The following TTLL3 variants were observed in gnomAD, a reference collection of about 807,000 sequenced individuals.
The protein encoded by TTLL3 is tubulin tyrosine ligase like 3, also known as tubulin monoglycylase TTLL3.
Under a neutral mutation model 75.2 loss-of-function variants are expected in TTLL3, and 63 were observed. The ratio of observed to expected loss-of-function variants is 0.84; its 90% confidence interval spans 0.68 to 1.03. The LOEUF is 1.03. TTLL3 is among the 50% of genes least tolerant of loss of function. The probability of loss-of-function intolerance (pLI) is 0.00; values close to 1 mark genes in which losing one functional copy is unlikely to be tolerated. For synonymous variants in TTLL3, 393 were observed against 418.5 expected, an observed-to-expected ratio of 0.94 and a Z score of 0.74; for missense variants, 997 against 1,069.9, an observed-to-expected ratio of 0.93 and a Z score of 0.95.
chr3:9,823,660 G>A (rs1228983118), intron 8 of TTLL3, among the ~76,000 whole-genome samples: 2 of 152,018 alleles, frequency 1.3e-5, no homozygotes, highest in African/African-American at 4.8e-5. Flanking sequence ...AGTACTCCTG[G>A]GAGACCTTGC....
intron 8 of TTLL3, among the ~76,000 whole-genome samples, chr3:9,821,326 G>A (rs2080391208): frequency 6.6e-6 from 1 of 152,206 alleles, no homozygotes. Flanking sequence ...GCATGCAGGA[G>A]CAACTGGAGG....
chr3:9,820,259 TC>T, intron 7 of TTLL3: 1 of 1,194,578 alleles, frequency 8.4e-7, no homozygotes, highest in South Asian at 2.8e-5. Flanking sequence ...GTGTTAGAGG[TC>T]CCAGGGGCAG....
chr3:9,815,991 T>C lies in TTLL3; in HGVS notation c.316-83T>C, dbSNP rs993433972. The C allele has an allele frequency of 1.3e-5, 16 of 1,245,284 alleles. No homozygotes were observed. The African/African-American group carries it at 1.4e-4, about 11-fold the overall frequency. 77.1% of individuals were successfully genotyped at this position (1,245,284 alleles called of 1,614,324 possible). A position where few individuals can be genotyped will look rare whatever the true frequency, so the allele number is the denominator to read the frequency against. The stretch of plus-strand genomic sequence containing the variant: ...TCCTCTCCTTCCTGTTCACCCACCC[T>C]GCTCAGCAGGGCAGGGAGAGGCTGC... On this transcript the variant is annotated intron_variant, in intron 4 of 13. Coordinates refer to ENST00000685419, the MANE Select transcript of TTLL3 (RefSeq NM_001387446.1).
At position 9,815,427 on chromosome 3, in the gene TTLL3, G is replaced by A. The variant is rs190044913; in HGVS notation, c.316-647G>A. Among the ~76,000 whole-genome samples, 17 of 152,352 alleles carry A rather than the reference G, an allele frequency of 1.1e-4. No individual in the cohort carries two copies. The East Asian group carries it at 2.1e-3, about 19-fold the overall frequency. ...TATGGTGAATGAATTGACGTGGAAA[G>A]TGCTTAGAGCAGGGCCCAGCATGGG... On this transcript the variant is annotated intron_variant, in intron 4 of 13. Coordinates refer to ENST00000685419, the MANE Select transcript of TTLL3 (RefSeq NM_001387446.1).
intron 6 of TTLL3, chr3:9,818,084 C>T: frequency 4.6e-6 from 1 of 219,130 alleles, no homozygotes; most frequent in Non-Finnish European, 9.0e-6. Context: ...GAATTGGGTT[C>T]CAAAAAAGGC....
upstream of TTLL3, chr3:9,810,071 C>G (rs895403904): frequency 7.4e-7 from 1 of 1,356,394 alleles, no homozygotes; most frequent in Admixed American, 3.9e-5. The surrounding 1 kb of genome is among the most constrained non-coding windows in gnomAD (Gnocchi z 4.4). Flanking sequence ...CGCCGGGGCT[C>G]GGCCTCCTGG....
At chr3:9,823,416 TTTTTTTTA>T (rs2080701350) in intron 8 of TTLL3, among the ~76,000 whole-genome samples, 1 of 151,188 alleles carries the variant, frequency 6.6e-6, no homozygotes, top group African/African-American at 2.4e-5. Flanking sequence ...TTTTTTTTTT[TTTTTTTTA>T]AATCCTGGAT....
In TTLL3 at chr3:9,835,115, C is replaced by A; in HGVS notation, c.2074C>A (p.Arg692=). Residue 692 remains arginine, a synonymous_variant, in exon 14 of 14, where the codon CGA becomes AGA. Transcript: ENST00000685419. ...PRKAPALLCL[R]GPQLEVPCCL... is the part of the protein sequence containing the mutation. ...CGAGGCTCCTGCTCTCCTGTGCCTC[C>A]GAGGCCCCCAGCTGGAAGTGCCTTG... is the stretch of plus-strand genomic sequence containing the variant. 1.9e-6 allele frequency: 3 copies of A among 1,611,674 alleles called. No homozygotes were observed. The highest frequency in any genetic ancestry group is 2.5e-6 in the Non-Finnish European group (3 of 1,178,478).
chr3:9,814,796 G>A (rs915907838), intron 4 of TTLL3, among the ~76,000 whole-genome samples: 3 of 152,100 alleles, frequency 2.0e-5, no homozygotes, highest in Non-Finnish European at 4.4e-5. Context: ...ACTTCAGCCT[G>A]GGTGACAGAA....
At chr3:9,811,916 G>A (rs2079391416) in intron 2 of TTLL3, among the ~76,000 whole-genome samples, 1 of 152,186 alleles carries the variant, frequency 6.6e-6, no homozygotes, top group Non-Finnish European at 1.5e-5. Context: ...TTTCTAAGTA[G>A]TTTCTCTGGA....
upstream of TTLL3, chr3:9,810,204 C>A: frequency 6.7e-7 from 1 of 1,484,388 alleles, no homozygotes. The surrounding 1 kb of genome is among the most constrained non-coding windows in gnomAD (Gnocchi z 4.4). Flanking sequence ...TGCCATGGGC[C>A]GGCCCTGCCT....
intron 5 of TTLL3, among the ~76,000 whole-genome samples, chr3:9,817,061 C>T (rs2079940636): frequency 6.6e-6 from 1 of 152,196 alleles, no homozygotes; most frequent in Non-Finnish European, 1.5e-5. Context: ...AGTCCTCCCA[C>T]TTCAGCCTCC....
In TTLL3 at chr3:9,820,583, G is replaced by C; in HGVS notation, c.696G>C (p.Val232=). Residue 232 remains valine, a synonymous_variant, in exon 8 of 14, where the codon GTG becomes GTC. Transcript: ENST00000685419. ...CCAAGAAACAGGAGAAAAACCCAGT[G>C]TTGGTGTCCCCAGAGTTTGTGGATG... ...KQPKKQEKNP[V]LVSPEFVDEA... is the part of the protein sequence containing the mutation. The C allele has an allele frequency of 6.2e-7, 1 of 1,614,118 alleles. No homozygotes were observed. The highest frequency in any genetic ancestry group is 8.5e-7 in the Non-Finnish European group (1 of 1,180,008).
At position 9,814,342 on chromosome 3, in the gene TTLL3, T is replaced by C. The variant is rs954532419; in HGVS notation, c.315+997T>C. 3.4e-5 allele frequency among the ~76,000 whole-genome samples: 4 copies of C among 118,878 alleles called. No individual in the cohort carries two copies. In the East Asian group the frequency reaches 9.8e-4, roughly 29 times the overall value. The allele number at this position is 118,878 out of a possible 152,430, so 78.0% of individuals were successfully genotyped here. A position where few individuals can be genotyped will look rare whatever the true frequency, so the allele number is the denominator to read the frequency against. On this transcript the variant is annotated intron_variant, in intron 4 of 13. Coordinates refer to ENST00000685419, the MANE Select transcript of TTLL3 (RefSeq NM_001387446.1). ...CAGAGCGAGACTCCGTCTGAAAAAA[T>C]AAATAAATAAAATAAAATAAAGGCC...
intron 4 of TTLL3, among the ~76,000 whole-genome samples, chr3:9,815,101 C>T (rs1295247263): frequency 1.3e-5 from 2 of 150,916 alleles, no homozygotes. Context: ...TTAGCTGGGC[C>T]TGGTGGCGCA....
At position 9,826,957 on chromosome 3, in the gene TTLL3, G is replaced by A. The variant is rs759449654; in HGVS notation, c.1004-40G>A. ...CAAGCTGGCCCTTCTCCTGGCCCAC[G>A]CCTGACCTTCCAATCCCTGACTGCC... On this transcript the variant is annotated intron_variant, in intron 9 of 13. Coordinates refer to ENST00000685419, the MANE Select transcript of TTLL3 (RefSeq NM_001387446.1). 22 of 1,612,836 alleles carry A rather than the reference G, an allele frequency of 1.4e-5. No homozygotes were observed. In the Admixed American group the frequency reaches 2.5e-4, roughly 18 times the overall value.
Position 9,835,425 on chromosome 3 carries a change from C to A in TTLL3, c.2384C>A (p.Ala795Asp). The A allele has an allele frequency of 6.2e-7, 1 of 1,612,764 alleles. No individual in the cohort carries two copies. The highest frequency in any genetic ancestry group is 8.5e-7 in the Non-Finnish European group (1 of 1,179,928). The change falls in exon 14 of 14, where the codon GCT (alanine) becomes GAT (aspartate). Residue 795 changes from alanine (A) to aspartate (D), a missense_variant. Transcript: ENST00000685419. ...QVKYLGLDSI[A>D]VGGSRVDGAR... ...AAGTATTTGGGGCTTGACTCCATTG[C>A]TGTTGGAGGGTCAAGAGTGGATGGG...
At chr3:9,828,911 TG>T in intron 10 of TTLL3, 48 bp from the exon 11 acceptor site, 1 of 1,598,978 alleles carries the variant, frequency 6.3e-7, no homozygotes, top group Non-Finnish European at 8.6e-7. Context: ...TGAGTTTGGA[TG>T]GGAGAGACAC....
chr3:9,824,764 G>A (rs1376430232), intron 8 of TTLL3, among the ~76,000 whole-genome samples: 7 of 128,474 alleles, frequency 5.4e-5, no homozygotes, highest in African/African-American at 3.0e-5. Flanking sequence ...TTTTTGAGAC[G>A]GAATCTTGCT....
Sources: gnomAD v4.1 joint callset for allele counts (sites outside exome capture counted in the v4.1 genomes callset) on GRCh38, gnomAD v4.1.1 for gene constraint, Gnocchi (gnomAD v3.1) non-coding constraint, MANE v1.5 for transcripts, NCBI Gene and HGNC (gene_info 2026-07-23, HGNC 2026-07-21) for gene names.